The following MRPS27 variants were observed in gnomAD, a reference collection of about 807,000 sequenced individuals.
MRPS27 encodes mitochondrial ribosomal protein S27.
In MRPS27, 43 loss-of-function variants were observed where a neutral mutation model predicts 48.9. The ratio of observed to expected loss-of-function variants is 0.88; its 90% CI spans 0.69 to 1.13. The LOEUF is 1.13. Among genes scored for constraint, MRPS27 ranks in the 50% most tolerant of loss-of-function variants. The pLI is 0.00. For synonymous variants in MRPS27, 188 were observed against 171.9 expected, an observed-to-expected ratio of 1.09 and a Z score of -0.73; for missense variants, 467 against 476.3, an observed-to-expected ratio of 0.98 and a Z score of 0.18.
chr5:72,233,506 C>T (rs1748114978), intron 6 of MRPS27, among the ~76,000 whole-genome samples: 1 of 152,050 alleles, frequency 6.6e-6, no homozygotes, highest in Non-Finnish European at 1.5e-5. Flanking sequence ...TACATATATT[C>T]ATAACTATAA....
chr5:72,242,688 ACACACACACACACACACACT>A (rs1302985508), intron 4 of MRPS27, among the ~76,000 whole-genome samples: 4 of 150,256 alleles, frequency 2.7e-5, no homozygotes, highest in African/African-American at 1.0e-4. Flanking sequence ...ACACACACAC[ACACACACACACACACACACT>A]CACGGCACTC....
chr5:72,313,786 T>A (rs1200949509), intron 2 of MRPS27, among the ~76,000 whole-genome samples: 1 of 152,128 alleles, frequency 6.6e-6, no homozygotes. Flanking sequence ...TACGAAATTC[T>A]GTAAAACAGG....
chr5:72,310,903 T>C (rs1219958331), intron 2 of MRPS27, among the ~76,000 whole-genome samples: 1 of 152,202 alleles, frequency 6.6e-6, no homozygotes, highest in Non-Finnish European at 1.5e-5. Flanking sequence ...CCACATGTGA[T>C]ACCCTGGCAG....
chr5:72,280,841 T>G (rs1194508582), intron 4 of MRPS27, among the ~76,000 whole-genome samples: 2 of 152,264 alleles, frequency 1.3e-5, no homozygotes, highest in East Asian at 1.9e-4. Context: ...TCTTGAGGCT[T>G]CTTCTCCCTT....
intron 3 of MRPS27, 55 bp from the exon 4 acceptor site, chr5:72,295,644 G>GC: frequency 1.5e-6 from 2 of 1,356,370 alleles, no homozygotes; most frequent in Non-Finnish European, 2.1e-6. Context: ...CATATATTTG[G>GC]CCTAGGGCCT....
intron 2 of MRPS27, among the ~76,000 whole-genome samples, chr5:72,308,917 T>C (rs1236739634): frequency 1.3e-5 from 2 of 152,158 alleles, no homozygotes; most frequent in Non-Finnish European, 2.9e-5. Context: ...AGCACCTGCA[T>C]GTCAGACGGA....
intron 4 of MRPS27, among the ~76,000 whole-genome samples, chr5:72,283,222 C>T (rs1749577072): frequency 6.6e-6 from 1 of 152,160 alleles, no homozygotes; most frequent in East Asian, 1.9e-4. Context: ...ATCCTGACTC[C>T]TTCAGGGTCT....
At chr5:72,274,183 G>A (rs1189705368) in intron 4 of MRPS27, among the ~76,000 whole-genome samples, 3 of 152,056 alleles carry the variant, frequency 2.0e-5, no homozygotes, top group Non-Finnish European at 2.9e-5. Context: ...GTGAAACCCC[G>A]TCTCTACTAA....
intron 2 of MRPS27, among the ~76,000 whole-genome samples, chr5:72,299,768 C>G (rs781728380): frequency 3.5e-4 from 54 of 152,208 alleles, no homozygotes; most frequent in Admixed American, 1.0e-3. Context: ...AAAATGTTTA[C>G]TTCACATCTT....
intron 4 of MRPS27, among the ~76,000 whole-genome samples, chr5:72,273,058 C>T (rs1260657004): frequency 2.0e-5 from 3 of 152,132 alleles, no homozygotes; most frequent in Admixed American, 6.5e-5. Flanking sequence ...TTCTAGTCAA[C>T]TAGGATCTTA....
At chr5:72,242,459 T>C (rs1221021925) in intron 4 of MRPS27, among the ~76,000 whole-genome samples, 3 of 147,196 alleles carry the variant, frequency 2.0e-5, no homozygotes, top group Non-Finnish European at 4.5e-5. Context: ...ACAGACTGAC[T>C]GTGATTATAT....
chr5:72,267,130 C>A (rs1749124997), intron 4 of MRPS27, among the ~76,000 whole-genome samples: 5 of 152,144 alleles, frequency 3.3e-5, no homozygotes, highest in Admixed American at 3.3e-4. Context: ...CTGAGGTCAG[C>A]AATGCTAAAG....
intron 2 of MRPS27, among the ~76,000 whole-genome samples, chr5:72,306,065 A>T (rs564492060): frequency 6.6e-6 from 1 of 152,352 alleles, no homozygotes; most frequent in Admixed American, 6.5e-5. Context: ...ATGGATTAAA[A>T]TGTCTCAATT....
chr5:72,290,583 C>T (rs1168629311), intron 4 of MRPS27, among the ~76,000 whole-genome samples: 1 of 152,140 alleles, frequency 6.6e-6, no homozygotes, highest in Admixed American at 6.6e-5. Context: ...CTCAGCCAAT[C>T]TCTATGTTTT....
At chr5:72,297,334 T>A (rs1306389629) in intron 3 of MRPS27, among the ~76,000 whole-genome samples, 1 of 152,114 alleles carries the variant, frequency 6.6e-6, no homozygotes, top group Non-Finnish European at 1.5e-5. Context: ...GAAGGATGTA[T>A]CAACTTAAAA....
chr5:72,294,535 T>C (rs1177125942), intron 4 of MRPS27: 1 of 152,212 alleles, frequency 6.6e-6, no homozygotes, highest in Non-Finnish European at 1.5e-5. Flanking sequence ...AGTTGTAAGG[T>C]ACAATTCTGA....
In MRPS27 at chr5:72,288,960, A is replaced by T. The variant is rs531824265; in HGVS notation, c.281+6571T>A. The T allele has an allele frequency of 3.5e-3, 530 of 152,318 alleles. 4 individuals are homozygous for T. The highest frequency in any genetic ancestry group is 0.01 in the Middle Eastern group (3 of 294). 9.4% of individuals were successfully genotyped at this position (152,318 alleles called of 1,614,324 possible). ...CCTACAGGCAGAAATGGATTTTTAC[A>T]ACATAGGCCTGGGGTGGTGCTATAG... is the stretch of plus-strand genomic sequence containing the variant. On this transcript the variant is annotated intron_variant, in intron 4 of 10. Coordinates refer to ENST00000261413, the MANE Select transcript of MRPS27 (RefSeq NM_015084.3).
At chr5:72,235,411 T>C (rs1438619408) in intron 5 of MRPS27, among the ~76,000 whole-genome samples, 1 of 152,078 alleles carries the variant, frequency 6.6e-6, no homozygotes, top group Non-Finnish European at 1.5e-5. Flanking sequence ...TGAGGGATGA[T>C]ACTACAATGG....
chr5:72,264,568 G>A (rs1283647221), intron 4 of MRPS27, among the ~76,000 whole-genome samples: 1 of 152,214 alleles, frequency 6.6e-6, no homozygotes, highest in Non-Finnish European at 1.5e-5. Context: ...TGGAGGGGGT[G>A]TAGGGGGCTT....
Sources: allele counts gnomAD v4.1 joint callset (sites outside exome capture counted in the v4.1 genomes callset), GRCh38; gene constraint gnomAD v4.1.1; transcripts MANE v1.5; gene names NCBI Gene and HGNC (gene_info 2026-07-23, HGNC 2026-07-21).